The following DNAH17 variants were observed in gnomAD, a reference collection of about 807,000 sequenced individuals.
The protein encoded by DNAH17 is axonemal beta dynein heavy chain 17.
DNAH17 carries 376 observed loss-of-function variants against 485.6 expected under a neutral mutation model. That is an observed-to-expected ratio of 0.77 (90% CI 0.71 to 0.84). DNAH17 has a LOEUF of 0.84. DNAH17 is among the 40% of genes least tolerant of loss of function. The pLI, the probability that DNAH17 is intolerant of heterozygous loss-of-function variation, is 0.00. For synonymous variants in DNAH17, 3,031 were observed against 2,405.9 expected (o/e 1.26, Z -7.60); for missense variants, 6,370 against 5,839.3 (o/e 1.09, Z -2.96).
At chr17:78,569,622 C>T (rs1568270797) in intron 7 of DNAH17, 95 bp from the exon 8 acceptor site, 5 of 1,402,436 alleles carry the variant, frequency 3.6e-6, no homozygotes, top group Non-Finnish European at 3.8e-6. Flanking sequence ...TCTGTTCTGA[C>T]ATATGGATAT....
intron 19 of DNAH17, among the ~76,000 whole-genome samples, chr17:78,534,291 A>C (rs1279389183): frequency 6.6e-6 from 1 of 152,224 alleles, no homozygotes; most frequent in Non-Finnish European, 1.5e-5. Context: ...TTGTCTGTGC[A>C]GGGGACCTCG....
rs367886206 is a variant in DNAH17 at position 78,503,330 on chromosome 17, C to T, written c.4957-319G>A. ...GAGTAGCTGGGACTACAGGCGCCCG[C>T]CCCCACTCCCGGCATTTTTTTTTTT... On this transcript the variant is annotated intron_variant, in intron 31 of 80. Transcript: ENST00000389840. Among the ~76,000 whole-genome samples the T allele has an allele frequency of 2.0e-4, 29 of 141,642 alleles. No homozygotes were observed. In the East Asian group the frequency reaches 5.6e-3, roughly 27 times the overall value. The allele number at this position is 141,642 out of a possible 152,430, so 92.9% of individuals were successfully genotyped here.
chr17:78,563,994 C>T (rs1201064954), intron 11 of DNAH17, among the ~76,000 whole-genome samples: 1 of 152,146 alleles, frequency 6.6e-6, no homozygotes, highest in East Asian at 1.9e-4. Context: ...TCTTTTAGAG[C>T]CCAAAAGCCC....
At chr17:78,512,460 C>T (rs917332061) in intron 26 of DNAH17, among the ~76,000 whole-genome samples, 2 of 152,168 alleles carry the variant, frequency 1.3e-5, no homozygotes, top group Admixed American at 6.5e-5. Flanking sequence ...GCATTCAAAC[C>T]TGATTATGGA....
At chr17:78,570,504 A>G (rs2092336357) in intron 6 of DNAH17, 132 bp from the exon 7 acceptor site, 1 of 1,187,428 alleles carries the variant, frequency 8.4e-7, no homozygotes, top group Non-Finnish European at 1.1e-6. Flanking sequence ...GGGGAGAGGC[A>G]ACTCCCTAGG....
chr17:78,501,705 G>A (rs1257379314), intron 34 of DNAH17, 37 bp downstream of exon 34: 2 of 1,604,272 alleles, frequency 1.2e-6, no homozygotes, highest in African/African-American at 1.3e-5. Flanking sequence ...GTGTCCCCTT[G>A]CCCTTCCCCT....
chr17:78,525,560 T>A (rs553903521), intron 24 of DNAH17, among the ~76,000 whole-genome samples: 34 of 152,258 alleles, frequency 2.2e-4, no homozygotes, highest in Non-Finnish European at 4.3e-4. Context: ...AAATCCGTAG[T>A]GTCCTCTCAA....
At position 78,434,218 on chromosome 17, in the gene DNAH17, G is replaced by A. The variant is rs1264763857; in HGVS notation, c.12036C>T (p.Asp4012=). 1 of 1,602,998 alleles carries A rather than the reference G, an allele frequency of 6.2e-7. No individual in the cohort carries two copies. Among genetic ancestry groups the A allele is most frequent in the Non-Finnish European group, 8.5e-7 (1 of 1,171,680 alleles). The change falls in exon 75 of 81, where the codon GAC becomes GAT. Residue 4012 remains aspartate (D), a splice_region_variant and synonymous_variant. Transcript: ENST00000389840. The stretch of plus-strand genomic sequence containing the variant: ...TCTCCTTGGTGCACATCTCCAGGGT[G>A]TCCTGTGGGGCACACGCTCCGGTCA... ...LHKALDLFTQ[D]TLEMCTKEME...
intron 31 of DNAH17, among the ~76,000 whole-genome samples, chr17:78,503,476 C>T (rs543005804): frequency 4.6e-5 from 7 of 151,892 alleles, no homozygotes; most frequent in East Asian, 3.9e-4. Flanking sequence ...TGAGCCACCA[C>T]GCTCGGCCAC....
At chr17:78,438,240 G>A (rs1026234865) in intron 73 of DNAH17, among the ~76,000 whole-genome samples, 3 of 151,126 alleles carry the variant, frequency 2.0e-5, no homozygotes, top group Admixed American at 6.6e-5. Context: ...GATTGAGGTC[G>A]ACACACACTG....
chr17:78,449,545 T>C lies in DNAH17; in HGVS notation c.11080A>G (p.Thr3694Ala). ...CGCTGCTTCACCTCGTTGGCAGGGG[T>C]GGTCCTCTGGATGGCTTTCTCAAAC... ...VVFEKAIQRT[T>A]PANEVKQRVI... The change falls in exon 69 of 81, where the codon ACC (threonine) becomes GCC (alanine). Residue 3694 changes from threonine (T) to alanine (A), a missense_variant. Transcript: ENST00000389840. 6.2e-7 allele frequency: 1 copy of C among 1,603,456 alleles called. No individual in the cohort carries two copies.
intron 73 of DNAH17, among the ~76,000 whole-genome samples, chr17:78,438,445 G>GGGGGA (rs2086936082): frequency 2.6e-4 from 2 of 7,580 alleles, no homozygotes; most frequent in Non-Finnish European, 5.7e-4. Context: ...AGGAGGAGGA[G>GGGGGA]GGAGGAGGGA....
At chr17:78,507,257 C>A (rs1232382576) in intron 29 of DNAH17, 21 bp downstream of exon 29, 3 of 1,613,166 alleles carry the variant, frequency 1.9e-6, no homozygotes, top group Non-Finnish European at 2.5e-6. Context: ...CTCCCCTGGT[C>A]TGGATAGGTG....
In DNAH17 at chr17:78,574,734, C is replaced by T. The variant is rs2092409687; in HGVS notation, c.324G>A (p.Gln108=). ...YGDISPTPVD[Q]LIAVVEEVLS... ...TCACCTCCTCCACCACCGCGATCAG[C>T]TGGTCCACGGGTGTGGGGCTGATGT... Residue 108 remains glutamine, a synonymous_variant, in exon 2 of 81, where the codon CAG becomes CAA. Transcript: ENST00000389840. 6.2e-7 allele frequency: 1 copy of T among 1,607,994 alleles called. No homozygotes were observed. The highest frequency in any genetic ancestry group is 8.5e-7 in the Non-Finnish European group (1 of 1,175,694).
In DNAH17 at chr17:78,502,110, A is replaced by G. The variant is rs368738619; in HGVS notation, c.5191-237T>C. On this transcript the variant is annotated intron_variant, in intron 33 of 80. Coordinates refer to ENST00000389840, the MANE Select transcript of DNAH17 (RefSeq NM_173628.4). ...TAGTAGAAGGAAATTCAAGGCCACG[A>G]GAGAGGGTGGATGAGAAGCAAAAAC... 2.5e-4 allele frequency: 136 copies of G among 551,568 alleles called. No individual in the cohort carries two copies. The African/African-American group carries it at 2.5e-3, about 10-fold the overall frequency. 34.2% of individuals were successfully genotyped at this position (551,568 alleles called of 1,614,324 possible).
chr17:78,466,531 C>A, intron 56 of DNAH17, 124 bp downstream of exon 56: 2 of 852,842 alleles, frequency 2.3e-6, no homozygotes, highest in African/African-American at 3.5e-5. Context: ...ACGTTGAGCC[C>A]AAGGCGGACG....
chr17:78,572,529 C>T (rs904725205), intron 3 of DNAH17, among the ~76,000 whole-genome samples, 172 bp downstream of exon 3: 6 of 151,954 alleles, frequency 3.9e-5, no homozygotes, highest in African/African-American at 1.5e-4. Flanking sequence ...CTTCCTCAGT[C>T]TCAGCACCAC....
intron 11 of DNAH17, among the ~76,000 whole-genome samples, chr17:78,564,218 CT>C (rs2092220566): frequency 6.6e-6 from 1 of 152,192 alleles, no homozygotes; most frequent in Non-Finnish European, 1.5e-5. Flanking sequence ...CTAGTGAACC[CT>C]GGGGGAGGTT....
chr17:78,545,470 G>T (rs1474445858), intron 16 of DNAH17, among the ~76,000 whole-genome samples: 1 of 152,144 alleles, frequency 6.6e-6, no homozygotes, highest in African/African-American at 2.4e-5. Flanking sequence ...CTTCCTGGTG[G>T]GCAGATGATG....
Sources: gnomAD v4.1 joint callset for allele counts (sites outside exome capture counted in the v4.1 genomes callset) on GRCh38, gnomAD v4.1.1 for gene constraint, MANE v1.5 for transcripts, NCBI Gene and HGNC (gene_info 2026-07-23, HGNC 2026-07-21) for gene names.